Variants in PTPRT observed in about 807,000 individuals in gnomAD.
The protein encoded by PTPRT is receptor-type tyrosine-protein phosphatase T.
Under a neutral mutation model 176.8 loss-of-function variants are expected in PTPRT, and 56 were observed. The observed-to-expected ratio is 0.32, with a 90% CI of 0.26 to 0.40. The LOEUF (loss-of-function observed/expected upper bound fraction) is 0.40, where lower values mean the gene tolerates loss of function less well. PTPRT is among the 10% of genes least tolerant of loss of function. PTPRT has a pLI of 1.00. For missense variants in PTPRT, 1,540 were observed against 1,908.2 expected (o/e 0.81, Z 3.60); for synonymous variants, 783 against 739.0 (o/e 1.06, Z -0.96).
intron 7 of PTPRT, among the ~76,000 whole-genome samples, chr20:42,649,685 C>T (rs2425501): frequency 1.3e-5 from 2 of 151,962 alleles, no homozygotes; most frequent in South Asian, 4.1e-4. Flanking sequence ...CCTGAAAGAG[C>T]CCCTAAGTTA....
chr20:42,365,046 A>G (rs535824080), intron 9 of PTPRT, among the ~76,000 whole-genome samples: 2 of 152,364 alleles, frequency 1.3e-5, no homozygotes, highest in African/African-American at 4.8e-5. Context: ...ATGGGGAAAA[A>G]AGGCAAAGAG....
intron 2 of PTPRT, among the ~76,000 whole-genome samples, chr20:42,841,410 C>T (rs943668619): frequency 5.3e-5 from 8 of 152,104 alleles, no homozygotes; most frequent in African/African-American, 1.9e-4. Context: ...GCTCAGAATT[C>T]AGAACAGTTT....
intron 1 of PTPRT, among the ~76,000 whole-genome samples, chr20:43,062,244 G>T (rs927102529): frequency 2.6e-5 from 4 of 152,194 alleles, no homozygotes; most frequent in Non-Finnish European, 5.9e-5. Flanking sequence ...TGTGACTAAA[G>T]CTGATATGTT....
rs559875836 is a variant in PTPRT at position 42,341,283 on chromosome 20, CTA to C, written c.1865+9343_1865+9344del. On this transcript the variant is annotated intron_variant, in intron 11 of 30. Coordinates refer to ENST00000373187, the MANE Select transcript of PTPRT (RefSeq NM_007050.6). The stretch of plus-strand genomic sequence containing the variant: ...CCTTCACATTCTTTTTAAAGCAAGC[CTA>C]CACCAGATGGTCCATTTTCCAGCAC... Among the ~76,000 whole-genome samples the C allele has an allele frequency of 1.0e-3, 155 of 152,236 alleles. 1 individual carries two copies. The highest frequency in any genetic ancestry group is 1.4e-3 in the Non-Finnish European group (98 of 68,006).
intron 7 of PTPRT, among the ~76,000 whole-genome samples, chr20:42,626,505 C>A (rs192466648): frequency 6.6e-6 from 1 of 152,316 alleles, no homozygotes; most frequent in East Asian, 1.9e-4. Context: ...AAAATCAGTT[C>A]TTCAGTACAC....
intron 13 of PTPRT, among the ~76,000 whole-genome samples, chr20:42,275,626 G>A (rs1265657792): frequency 2.0e-4 from 30 of 152,174 alleles, no homozygotes; most frequent in Non-Finnish European, 4.3e-4. Flanking sequence ...AGAGGCTAGA[G>A]AGATGTGCCA....
intron 13 of PTPRT, among the ~76,000 whole-genome samples, chr20:42,255,515 C>T (rs544945685): frequency 6.1e-4 from 93 of 152,242 alleles, no homozygotes; most frequent in Non-Finnish European, 8.2e-4. Context: ...TAAGTTCATC[C>T]GATCCTCAGG....
chr20:42,840,522 C>T (rs562622426), intron 2 of PTPRT, among the ~76,000 whole-genome samples: 1 of 152,218 alleles, frequency 6.6e-6, no homozygotes, highest in South Asian at 2.1e-4. Flanking sequence ...AAGCAATTCT[C>T]CTGCGTCAGC....
chr20:42,142,073 A>G (rs2076244), intron 17 of PTPRT, 71 bp from the exon 18 acceptor site: 98,166 of 1,334,476 alleles, frequency 0.074, 6,383 homozygotes, highest in East Asian at 0.32. Context: ...ATGAACCAAC[A>G]GGGCAAAGTA....
At chr20:43,096,545 T>A (rs1468403953) in intron 1 of PTPRT, among the ~76,000 whole-genome samples, 1 of 151,890 alleles carries the variant, frequency 6.6e-6, no homozygotes, top group Non-Finnish European at 1.5e-5. Context: ...ACAGAGGGGG[T>A]TCCTCCACTC....
At chr20:42,806,603 G>A (rs1373158621) in intron 2 of PTPRT, among the ~76,000 whole-genome samples, 2 of 152,048 alleles carry the variant, frequency 1.3e-5, no homozygotes, top group Non-Finnish European at 2.9e-5. Flanking sequence ...GGGCCAGAGA[G>A]TCAATATTTT....
intron 1 of PTPRT, among the ~76,000 whole-genome samples, chr20:42,978,602 G>A (rs765351434): frequency 3.3e-5 from 5 of 152,126 alleles, no homozygotes; most frequent in Non-Finnish European, 7.4e-5. Context: ...ATTCCCAGAC[G>A]GTTAAGGCAG....
At chr20:42,142,103 T>TTTC (rs1988659107) in intron 17 of PTPRT, 101 bp from the exon 18 acceptor site, 2 of 944,926 alleles carry the variant, frequency 2.1e-6, no homozygotes, top group South Asian at 2.6e-5. Context: ...GCGATGGGAC[T>TTTC]CCTAGTGGAA....
intron 7 of PTPRT, 71 bp from the exon 8 acceptor site, chr20:42,472,633 A>G (rs933957490): frequency 7.5e-6 from 11 of 1,472,150 alleles, no homozygotes; most frequent in African/African-American, 4.2e-5. Flanking sequence ...ATGTTCTGCT[A>G]CAACAGGGAA....
At chr20:42,466,144 T>A (rs1208560869) in intron 8 of PTPRT, among the ~76,000 whole-genome samples, 1 of 152,212 alleles carries the variant, frequency 6.6e-6, no homozygotes, top group East Asian at 1.9e-4. Flanking sequence ...ATTTTCTTTA[T>A]CCAGTCTATC....
In PTPRT at chr20:42,446,399, G is replaced by A. The variant is rs542655364; in HGVS notation, c.1560+1821C>T. ...AATAAAAGATGTTGAAGTACCCTAGGTTAGTCCCCCAAGCCTTTTTAAATG... is the reference window on the plus strand; with the variant it reads ...AATAAAAGATGTTGAAGTACCCTAGATTAGTCCCCCAAGCCTTTTTAAATG... On this transcript the variant is annotated intron_variant, in intron 9 of 30. Transcript: ENST00000373187. Among the ~76,000 whole-genome samples the A allele has an allele frequency of 4.6e-5, 7 of 152,170 alleles. No individual in the cohort carries two copies. The East Asian group carries it at 1.2e-3, about 25-fold the overall frequency.
At chr20:42,157,995 A>C (rs1040535394) in intron 17 of PTPRT, among the ~76,000 whole-genome samples, 7 of 152,218 alleles carry the variant, frequency 4.6e-5, no homozygotes, top group African/African-American at 1.7e-4. Flanking sequence ...GAGTGAAGAC[A>C]TGTTCAGATG....
At chr20:43,050,078 G>A (rs937012615) in intron 1 of PTPRT, among the ~76,000 whole-genome samples, 2 of 152,234 alleles carry the variant, frequency 1.3e-5, no homozygotes, top group African/African-American at 4.8e-5. Context: ...CTGGGTGGCT[G>A]ACCACAAGCA....
At chr20:42,988,571 C>T (rs1452721018) in intron 1 of PTPRT, among the ~76,000 whole-genome samples, 2 of 152,090 alleles carry the variant, frequency 1.3e-5, no homozygotes, top group Non-Finnish European at 2.9e-5. Context: ...AGGTTCATGA[C>T]GGCCAATGAA....
Sources: gnomAD v4.1 joint callset for allele counts (sites outside exome capture counted in the v4.1 genomes callset) on GRCh38, gnomAD v4.1.1 for gene constraint, MANE v1.5 for transcripts, NCBI Gene and HGNC (gene_info 2026-07-23, HGNC 2026-07-21) for gene names.